COMMD10: variants seen among roughly 807,000 people sequenced by gnomAD.
The protein encoded by COMMD10 is COMM domain-containing protein 10.
Under a neutral mutation model 28.9 loss-of-function variants are expected in COMMD10, and 33 were observed. That is an observed-to-expected ratio of 1.14 (90% CI 0.87 to 1.53). The LOEUF is 1.53. Ranked by LOEUF, COMMD10 falls within the 40% of genes most tolerant of loss-of-function variation. The pLI, the probability that COMMD10 is intolerant of heterozygous loss-of-function variation, is 0.00. For missense variants in COMMD10, 310 were observed against 233.4 expected (o/e 1.33, Z -2.14); for synonymous variants, 110 against 81.7 (o/e 1.35, Z -1.87).
intron 5 of COMMD10, among the ~76,000 whole-genome samples, chr5:116,242,585 C>T (rs376566878): frequency 1.3e-5 from 2 of 152,272 alleles, no homozygotes; most frequent in Admixed American, 6.5e-5. Context: ...TTTTGAAAAG[C>T]AGCCAGTTTC....
intron 5 of COMMD10, among the ~76,000 whole-genome samples, chr5:116,205,887 A>G (rs1422862383): frequency 6.6e-6 from 1 of 152,048 alleles, no homozygotes; most frequent in Admixed American, 6.6e-5. Context: ...TTTGCTTTAC[A>G]TTATTCTCAG....
chr5:116,161,585 A>G (rs532489639), intron 5 of COMMD10, among the ~76,000 whole-genome samples: 2 of 152,270 alleles, frequency 1.3e-5, no homozygotes, highest in South Asian at 2.1e-4. Context: ...TATATATTAT[A>G]TGCATTATGT....
chr5:116,165,411 C>G (rs954393360), intron 5 of COMMD10, among the ~76,000 whole-genome samples: 1 of 152,178 alleles, frequency 6.6e-6, no homozygotes, highest in Non-Finnish European at 1.5e-5. Context: ...GTGTATTAGT[C>G]TGCTAGGGCT....
Position 116,293,018 on chromosome 5 carries a change from T to C in COMMD10, c.*529T>C. ...AGGAAATGTAAAATAGTGAGTAGTA[T>C]GGTATCAGTTAATTCCAGTCTGAGC... On this transcript the variant is annotated 3_prime_UTR_variant, in exon 7 of 7. Transcript: ENST00000274458. The C allele has an allele frequency of 5.0e-6, 2 of 397,428 alleles. No individual in the cohort carries two copies. Among genetic ancestry groups the C allele is most frequent in the Non-Finnish European group, 8.9e-6 (2 of 225,294 alleles). The allele number at this position is 397,428 out of a possible 1,614,324, so 24.6% of individuals were successfully genotyped here.
chr5:116,127,520 G>A (rs553482770), intron 4 of COMMD10, among the ~76,000 whole-genome samples: 2 of 152,084 alleles, frequency 1.3e-5, no homozygotes, highest in African/African-American at 4.8e-5. Flanking sequence ...AGACTTGGAA[G>A]CAACCCAAAT....
chr5:116,159,022 T>C (rs1752831465), intron 5 of COMMD10, among the ~76,000 whole-genome samples: 1 of 152,190 alleles, frequency 6.6e-6, no homozygotes, highest in East Asian at 1.9e-4. Flanking sequence ...GGCTAATCAT[T>C]TACATTTGAC....
chr5:116,247,790 A>G (rs1358332841), intron 5 of COMMD10, among the ~76,000 whole-genome samples: 1 of 150,758 alleles, frequency 6.6e-6, no homozygotes, highest in Non-Finnish European at 1.5e-5. Context: ...CAGGGGAACA[A>G]CACAAACTCT....
At chr5:116,134,874 G>C (rs182520446) in intron 5 of COMMD10, among the ~76,000 whole-genome samples, 3 of 152,230 alleles carry the variant, frequency 2.0e-5, no homozygotes, top group Non-Finnish European at 4.4e-5. Flanking sequence ...ACCCCCCTCA[G>C]CCTCCCAAAG....
chr5:116,204,753 G>C (rs935459831), intron 5 of COMMD10, among the ~76,000 whole-genome samples: 1 of 152,058 alleles, frequency 6.6e-6, no homozygotes, highest in East Asian at 1.9e-4. Flanking sequence ...ATTAATATTT[G>C]ATCTTGCAAT....
At chr5:116,237,614 A>G (rs1749703422) in intron 5 of COMMD10, among the ~76,000 whole-genome samples, 1 of 152,168 alleles carries the variant, frequency 6.6e-6, no homozygotes, top group Non-Finnish European at 1.5e-5. Flanking sequence ...GTTTGAGGCT[A>G]GCCTGGGCAA....
chr5:116,271,008 T>C (rs1342218048), intron 5 of COMMD10, among the ~76,000 whole-genome samples: 3 of 151,600 alleles, frequency 2.0e-5, no homozygotes, highest in Non-Finnish European at 4.4e-5. Context: ...TATAACTTGG[T>C]TCATAAATTG....
intron 4 of COMMD10, among the ~76,000 whole-genome samples, chr5:116,109,599 C>G (rs1000906629): frequency 1.3e-5 from 2 of 152,108 alleles, no homozygotes; most frequent in Non-Finnish European, 2.9e-5. Flanking sequence ...GTCTCAAAAA[C>G]AAACAAACAA....
At chr5:116,145,532 CG>C (rs1752320675) in intron 5 of COMMD10, among the ~76,000 whole-genome samples, 1 of 151,656 alleles carries the variant, frequency 6.6e-6, no homozygotes, top group Non-Finnish European at 1.5e-5. Flanking sequence ...TATGTGTGTT[CG>C]GGGCAGGGTG....
chr5:116,270,528 C>T (rs1750726823), intron 5 of COMMD10, among the ~76,000 whole-genome samples: 1 of 151,780 alleles, frequency 6.6e-6, no homozygotes, highest in South Asian at 2.1e-4. Flanking sequence ...GGAATGTTAG[C>T]AAATTCAGCA....
intron 5 of COMMD10, among the ~76,000 whole-genome samples, chr5:116,282,332 C>G (rs946016326): frequency 6.6e-6 from 1 of 151,918 alleles, no homozygotes; most frequent in African/African-American, 2.4e-5. Context: ...GCCACTGTGT[C>G]TTGCCTGGAC....
chr5:116,291,292 A>G (rs535570701), intron 5 of COMMD10, among the ~76,000 whole-genome samples: 1 of 152,348 alleles, frequency 6.6e-6, no homozygotes, highest in South Asian at 2.1e-4. Context: ...ACCTTCGTAG[A>G]GTCAACTTAA....
At chr5:116,265,805 G>C (rs917993391) in intron 5 of COMMD10, among the ~76,000 whole-genome samples, 2 of 151,736 alleles carry the variant, frequency 1.3e-5, no homozygotes, top group African/African-American at 4.9e-5. Context: ...AGTGATTTGA[G>C]AAGACTGGCT....
rs1381462852 is a variant in COMMD10, at chr5:116,207,300, T to C, written c.510+73122T>C. ...GAACTGCATTGTGTTTTATTACTAATAGTTTAGATAAATCTGTATATCCAA... is the reference window on the plus strand; with the variant it reads ...GAACTGCATTGTGTTTTATTACTAACAGTTTAGATAAATCTGTATATCCAA... On this transcript the variant is annotated intron_variant, in intron 5 of 6. Transcript: ENST00000274458. Among the ~76,000 whole-genome samples the C allele has an allele frequency of 4.6e-5, 7 of 152,356 alleles. No individual in the cohort carries two copies. In the East Asian group the frequency reaches 1.2e-3, roughly 25 times the overall value.
At chr5:116,128,200 C>G (rs543229023) in intron 4 of COMMD10, among the ~76,000 whole-genome samples, 10 of 152,014 alleles carry the variant, frequency 6.6e-5, no homozygotes, top group African/African-American at 2.2e-4. Flanking sequence ...TTTTGGTTTA[C>G]AGAGTAATTG....
Sources: allele counts gnomAD v4.1 joint callset (sites outside exome capture counted in the v4.1 genomes callset), GRCh38; gene constraint gnomAD v4.1.1; transcripts MANE v1.5; gene names NCBI Gene and HGNC (gene_info 2026-07-23, HGNC 2026-07-21).